Variants in SLC24A3 observed in about 807,000 individuals in gnomAD.
SLC24A3 encodes solute carrier family 24 member 3.
SLC24A3 carries 28 observed loss-of-function variants against 75.8 expected under a neutral mutation model. The ratio of observed to expected loss-of-function variants is 0.37; its 90% CI spans 0.27 to 0.51. SLC24A3 has a LOEUF of 0.51. Ranked by LOEUF, SLC24A3 falls within the 20% of genes least tolerant of loss-of-function variation. SLC24A3 has a pLI of 0.94. For synonymous variants in SLC24A3, 372 were observed against 334.1 expected (o/e 1.11, Z -1.24); for missense variants, 663 against 847.8 (o/e 0.78, Z 2.71).
At chr20:19,569,572 T>C (rs2031017378) in intron 3 of SLC24A3, among the ~76,000 whole-genome samples, 1 of 152,120 alleles carries the variant, frequency 6.6e-6, no homozygotes, top group African/African-American at 2.4e-5. Context: ...CTAACGACCT[T>C]AGCCCCAGGG....
chr20:19,589,772 G>A lies in SLC24A3; in HGVS notation c.612+4228G>A, dbSNP rs76080347. Among the ~76,000 whole-genome samples, 424 of 151,984 alleles carry A rather than the reference G, an allele frequency of 2.8e-3. 3 individuals carry two copies. Among genetic ancestry groups the A allele is most frequent in the African/African-American group, 9.5e-3 (394 of 41,440 alleles). ...CACTAGATTCTGTAAAAATATTTGC[G>A]GAAATACACCCACTGAGTTTTAAGA... On this transcript the variant is annotated intron_variant, in intron 6 of 16. Transcript: ENST00000328041.
chr20:19,360,515 G>A (rs950794142), intron 2 of SLC24A3, among the ~76,000 whole-genome samples: 1 of 152,174 alleles, frequency 6.6e-6, no homozygotes, highest in African/African-American at 2.4e-5. Flanking sequence ...TGAATAATAT[G>A]CCAACTTCTC....
intron 2 of SLC24A3, among the ~76,000 whole-genome samples, chr20:19,338,535 A>G (rs1225215990): frequency 6.6e-6 from 1 of 152,158 alleles, no homozygotes; most frequent in East Asian, 1.9e-4. Context: ...GGCCTCTGGG[A>G]TCAAGGCCTC....
chr20:19,619,744 G>A (rs372124802), intron 6 of SLC24A3, among the ~76,000 whole-genome samples: 18 of 152,152 alleles, frequency 1.2e-4, no homozygotes, highest in South Asian at 1.0e-3. Context: ...ATTAGTATAC[G>A]TTGTATGTAT....
chr20:19,606,758 G>A (rs545204791), intron 6 of SLC24A3, among the ~76,000 whole-genome samples: 24 of 152,328 alleles, frequency 1.6e-4, no homozygotes, highest in African/African-American at 5.1e-4. Flanking sequence ...ATGTCAGAAA[G>A]CAGGAGGTCC....
intron 2 of SLC24A3, among the ~76,000 whole-genome samples, chr20:19,299,885 CAA>C (rs1412596284): frequency 6.6e-6 from 1 of 152,190 alleles, no homozygotes; most frequent in African/African-American, 2.4e-5. Context: ...GTATTTCACA[CAA>C]AATCTTTGAA....
Position 19,276,233 on chromosome 20 carries a change from AC to A in SLC24A3, c.143-4724del, listed in dbSNP as rs373032682. Among the ~76,000 whole-genome samples, 307 of 152,232 alleles carry A rather than the reference AC, an allele frequency of 2.0e-3. 9 individuals are homozygous for A. In the South Asian group the frequency reaches 0.06, roughly 30 times the overall value. ...AGCCCTCCATGTCATAATTTGTGGGACCAGCCCAGTCTCTAGGAAATCACAC... is the reference window on the plus strand; with the variant it reads ...AGCCCTCCATGTCATAATTTGTGGGACAGCCCAGTCTCTAGGAAATCACAC... On this transcript the variant is annotated intron_variant, in intron 1 of 16. Coordinates refer to ENST00000328041, the MANE Select transcript of SLC24A3 (RefSeq NM_020689.4).
intron 2 of SLC24A3, among the ~76,000 whole-genome samples, chr20:19,443,368 A>G (rs892983431): frequency 6.4e-5 from 9 of 140,690 alleles, no homozygotes; most frequent in Non-Finnish European, 1.2e-4. Flanking sequence ...TCAGAGTTTT[A>G]TATTTTTATA....
chr20:19,475,378 C>T (rs1275992207), intron 2 of SLC24A3, among the ~76,000 whole-genome samples: 1 of 151,902 alleles, frequency 6.6e-6, no homozygotes, highest in Non-Finnish European at 1.5e-5. Context: ...AGAGAATGGC[C>T]ACCATTCCCA....
intron 1 of SLC24A3, among the ~76,000 whole-genome samples, chr20:19,279,481 G>A (rs1983592827): frequency 6.6e-6 from 1 of 152,134 alleles, no homozygotes; most frequent in Non-Finnish European, 1.5e-5. Context: ...TGTCCATGGT[G>A]GTCAAGGCTG....
chr20:19,371,858 G>A (rs573175892), intron 2 of SLC24A3, among the ~76,000 whole-genome samples: 2 of 152,176 alleles, frequency 1.3e-5, no homozygotes, highest in African/African-American at 2.4e-5. Flanking sequence ...GCTGGCATAC[G>A]GATATGGATC....
intron 11 of SLC24A3, 62 bp from the exon 12 acceptor site, chr20:19,685,038 T>G (rs1458112415): frequency 6.6e-7 from 1 of 1,526,392 alleles, no homozygotes; most frequent in African/African-American, 1.4e-5. Context: ...CAGCTCATGT[T>G]CTGAGTGTAA....
chr20:19,508,813 C>T (rs986249492), intron 2 of SLC24A3, among the ~76,000 whole-genome samples: 5 of 152,240 alleles, frequency 3.3e-5, no homozygotes, highest in East Asian at 3.8e-4. Context: ...GAGGCTGCTC[C>T]GTTCTCCCTG....
chr20:19,639,415 TC>T, intron 6 of SLC24A3, among the ~76,000 whole-genome samples: 1 of 152,354 alleles, frequency 6.6e-6, no homozygotes, highest in South Asian at 2.1e-4. Flanking sequence ...ATTGGTGCAT[TC>T]ACAAACCCTG....
chr20:19,481,973 C>T (rs998267210), intron 2 of SLC24A3, among the ~76,000 whole-genome samples: 2 of 152,150 alleles, frequency 1.3e-5, no homozygotes, highest in Non-Finnish European at 2.9e-5. Context: ...ACCCAGTCTT[C>T]CTCCCGGGTT....
At chr20:19,705,993 A>G (rs1186989794) in intron 15 of SLC24A3, among the ~76,000 whole-genome samples, 1 of 152,194 alleles carries the variant, frequency 6.6e-6, no homozygotes, top group Admixed American at 6.5e-5. Context: ...GAGAGCTGAG[A>G]AAGTCACCAT....
intron 6 of SLC24A3, among the ~76,000 whole-genome samples, chr20:19,622,248 C>A (rs1040341468): frequency 6.6e-6 from 1 of 152,160 alleles, no homozygotes. Flanking sequence ...GAGAAGGAAG[C>A]AATGTGGAGA....
intron 2 of SLC24A3, among the ~76,000 whole-genome samples, chr20:19,355,401 T>C (rs989552304): frequency 6.6e-6 from 1 of 152,154 alleles, no homozygotes; most frequent in African/African-American, 2.4e-5. Flanking sequence ...CGAAAATAAG[T>C]GATCTTAATT....
At chr20:19,704,522 A>G (rs2032906826) in intron 15 of SLC24A3, among the ~76,000 whole-genome samples, 1 of 152,202 alleles carries the variant, frequency 6.6e-6, no homozygotes, top group Non-Finnish European at 1.5e-5. Context: ...TTGAGTGGGG[A>G]AGGATAGACA....
Sources: gnomAD v4.1 joint callset for allele counts (sites outside exome capture counted in the v4.1 genomes callset) on GRCh38, gnomAD v4.1.1 for gene constraint, MANE v1.5 for transcripts, NCBI Gene and HGNC (gene_info 2026-07-23, HGNC 2026-07-21) for gene names.